KCNC2: variants seen among roughly 807,000 people sequenced by gnomAD.
The protein encoded by KCNC2 is voltage-gated potassium channel KCNC2.
A neutral mutation model predicts 44.5 loss-of-function variants in KCNC2; 21 were observed. The ratio of observed to expected loss-of-function variants is 0.47; its 90% CI spans 0.33 to 0.68. The LOEUF (loss-of-function observed/expected upper bound fraction) is 0.68. Among genes scored for constraint, KCNC2 ranks in the 30% least tolerant of loss-of-function variants. The probability of loss-of-function intolerance (pLI) is 0.01; values close to 1 mark genes in which losing one functional copy is unlikely to be tolerated. For synonymous variants in KCNC2, 391 were observed against 339.1 expected (o/e 1.15, Z -1.68); for missense variants, 589 against 826.2 (o/e 0.71, Z 3.52).
At chr12:75,045,557 C>G (rs749096401) in intron 4 of KCNC2, among the ~76,000 whole-genome samples, 4 of 151,770 alleles carry the variant, frequency 2.6e-5, no homozygotes, top group African/African-American at 4.8e-5. Flanking sequence ...AGGTTTTACT[C>G]GAATGGCTAA....
At chr12:75,130,240 G>A (rs1160149978) in intron 2 of KCNC2, among the ~76,000 whole-genome samples, 2 of 151,982 alleles carry the variant, frequency 1.3e-5, no homozygotes, top group Non-Finnish European at 2.9e-5. Context: ...ACACACACAT[G>A]TATTTATATC....
chr12:75,130,586 ATAGAAAGTG>A, intron 2 of KCNC2, among the ~76,000 whole-genome samples: 1 of 152,178 alleles, frequency 6.6e-6, no homozygotes, highest in Non-Finnish European at 1.5e-5. Flanking sequence ...TTATTATAAC[ATAGAAAGTG>A]ATGAACACAT....
chr12:75,206,794 A>G (rs1464070945), intron 2 of KCNC2, among the ~76,000 whole-genome samples: 2 of 152,162 alleles, frequency 1.3e-5, no homozygotes, highest in Non-Finnish European at 2.9e-5. Flanking sequence ...CCAGACACAT[A>G]GATACATTCC....
intron 2 of KCNC2, among the ~76,000 whole-genome samples, chr12:75,176,231 A>G (rs977871734): frequency 6.6e-6 from 1 of 151,986 alleles, no homozygotes; most frequent in Non-Finnish European, 1.5e-5. Context: ...ATTACTCTAC[A>G]TATTGCCCTA....
intron 2 of KCNC2, among the ~76,000 whole-genome samples, chr12:75,058,608 T>C (rs1881992274): frequency 6.6e-6 from 1 of 152,100 alleles, no homozygotes; most frequent in South Asian, 2.1e-4. Context: ...AGTCTGTTTC[T>C]TTTAGCACTA....
At chr12:75,147,053 A>T (rs1021757857) in intron 2 of KCNC2, among the ~76,000 whole-genome samples, 1 of 152,192 alleles carries the variant, frequency 6.6e-6, no homozygotes, top group African/African-American at 2.4e-5. Context: ...TTTAGGTGCA[A>T]TAAGAGAGTT....
intron 2 of KCNC2, among the ~76,000 whole-genome samples, chr12:75,116,986 C>T (rs1350540208): frequency 2.0e-5 from 3 of 152,088 alleles, no homozygotes; most frequent in Non-Finnish European, 2.9e-5. Flanking sequence ...GTTCTTCCTA[C>T]GATTCCATTC....
chr12:75,155,620 C>T (rs975459275), intron 2 of KCNC2, among the ~76,000 whole-genome samples: 6 of 151,574 alleles, frequency 4.0e-5, no homozygotes, highest in Non-Finnish European at 7.4e-5. Context: ...AGTTCATGTA[C>T]TACATTTGCC....
At chr12:75,156,893 T>C (rs144110255) in intron 2 of KCNC2, among the ~76,000 whole-genome samples, 2 of 151,982 alleles carry the variant, frequency 1.3e-5, no homozygotes, top group East Asian at 3.9e-4. Context: ...GTAAAGAAGC[T>C]AGTGTATTTA....
chr12:75,091,654 A>G (rs1217962263), intron 2 of KCNC2, among the ~76,000 whole-genome samples: 1 of 151,678 alleles, frequency 6.6e-6, no homozygotes, highest in Non-Finnish European at 1.5e-5. Context: ...TTTTTAAAAA[A>G]TCAGTTTAGA....
At chr12:75,118,408 TG>T (rs1887827942) in intron 2 of KCNC2, among the ~76,000 whole-genome samples, 1 of 151,670 alleles carries the variant, frequency 6.6e-6, no homozygotes, top group Admixed American at 6.6e-5. Flanking sequence ...GACAATAAGG[TG>T]GGTGGCAGGT....
intron 2 of KCNC2, among the ~76,000 whole-genome samples, chr12:75,174,485 C>A (rs1267336176): frequency 6.6e-6 from 1 of 151,862 alleles, no homozygotes; most frequent in Non-Finnish European, 1.5e-5. Context: ...TTTTACCTTG[C>A]CTCTCTTCAC....
intron 2 of KCNC2, among the ~76,000 whole-genome samples, chr12:75,149,243 G>C (rs930728589): frequency 6.6e-6 from 1 of 151,548 alleles, no homozygotes; most frequent in African/African-American, 2.4e-5. Flanking sequence ...TTATTTTGTA[G>C]TTTTCCCACT....
At chr12:75,141,426 T>TA (rs1379676512) in intron 2 of KCNC2, among the ~76,000 whole-genome samples, 1 of 152,190 alleles carries the variant, frequency 6.6e-6, no homozygotes, top group Non-Finnish European at 1.5e-5. Flanking sequence ...AAGTAGTAAT[T>TA]ACAGTAGTAG....
At position 75,207,233 on chromosome 12, in the gene KCNC2, A is replaced by G; in HGVS notation, c.687+64T>C. The G allele has an allele frequency of 2.7e-6, 4 of 1,499,214 alleles. No individual in the cohort carries two copies. Among genetic ancestry groups the G allele is most frequent in the Non-Finnish European group, 2.7e-6 (3 of 1,126,264 alleles). The allele number at this position is 1,499,214 out of a possible 1,614,324, so 92.9% of individuals were successfully genotyped here. The stretch of plus-strand genomic sequence containing the variant: ...CTGAGGCCCTGGGGTGGAAAAGAAC[A>G]GAAAGTTGGGGAGGGAGTTGGGAGA... On this transcript the variant is annotated intron_variant, in intron 2 of 4. Transcript: ENST00000549446. This position sits in a 1 kb window ranked among gnomAD's most constrained non-coding sequence, Gnocchi z 4.1.
intron 2 of KCNC2, among the ~76,000 whole-genome samples, chr12:75,202,774 T>A (rs2137795651): frequency 6.8e-6 from 1 of 146,984 alleles, no homozygotes; most frequent in South Asian, 2.2e-4. Flanking sequence ...ACTGCATGTG[T>A]CAGGCAATAT....
chr12:75,158,062 C>A (rs1282831136), intron 2 of KCNC2, among the ~76,000 whole-genome samples: 1 of 151,838 alleles, frequency 6.6e-6, no homozygotes, highest in Non-Finnish European at 1.5e-5. Context: ...CTTATTTATA[C>A]AATTTACATT....
intron 2 of KCNC2, among the ~76,000 whole-genome samples, chr12:75,114,566 A>T (rs959178356): frequency 6.6e-5 from 10 of 152,172 alleles, no homozygotes; most frequent in African/African-American, 2.4e-4. Context: ...AAAGAAAAAT[A>T]TATCGGGGAA....
intron 2 of KCNC2, among the ~76,000 whole-genome samples, chr12:75,191,531 T>A (rs77863632): frequency 4.6e-5 from 1 of 21,950 alleles, no homozygotes; most frequent in African/African-American, 3.3e-4. Context: ...ATTATTATTT[T>A]TTTTTTTTTT....
Sources: allele counts gnomAD v4.1 joint callset (sites outside exome capture counted in the v4.1 genomes callset), GRCh38; gene constraint gnomAD v4.1.1; non-coding constraint Gnocchi (gnomAD v3.1); transcripts MANE v1.5; gene names NCBI Gene and HGNC (gene_info 2026-07-23, HGNC 2026-07-21).